The following GRM5 variants were observed in gnomAD, a reference collection of about 807,000 sequenced individuals.
GRM5 encodes glutamate metabotropic receptor 5, also known as metabotropic glutamate receptor 5.
GRM5 carries 19 observed loss-of-function variants against 83.1 expected under a neutral mutation model. That is an observed-to-expected ratio of 0.23 (90% CI 0.16 to 0.34). GRM5 has a LOEUF of 0.34. GRM5 is among the 10% of genes least tolerant of loss of function. The pLI, the probability that GRM5 is intolerant of heterozygous loss-of-function variation, is 1.00. For missense variants in GRM5, 1,160 were observed against 1,588.3 expected (o/e 0.73, Z 4.58); for synonymous variants, 675 against 633.6 (o/e 1.07, Z -0.98).
chr11:88,533,248 A>G (rs1200007056), intron 8 of GRM5, among the ~76,000 whole-genome samples: 4 of 152,122 alleles, frequency 2.6e-5, no homozygotes, highest in African/African-American at 9.7e-5. Context: ...CCTTGCTCAC[A>G]TTGCTTCATC....
chr11:88,820,392 A>AAAAAAAAAAAAAG (rs1170201961), intron 3 of GRM5, among the ~76,000 whole-genome samples: 3 of 149,136 alleles, frequency 2.0e-5, no homozygotes, highest in African/African-American at 7.7e-5. Context: ...AAAAAAAAAA[A>AAAAAAAAAAAAAG]AGCCAATATA....
intron 2 of GRM5, among the ~76,000 whole-genome samples, chr11:88,927,004 C>A (rs1432959594): frequency 1.3e-5 from 2 of 152,128 alleles, no homozygotes; most frequent in African/African-American, 4.8e-5. Context: ...CAGGAAAATG[C>A]TATGACCAAT....
At chr11:88,726,681 C>T (rs779623717) in intron 3 of GRM5, among the ~76,000 whole-genome samples, 6 of 152,222 alleles carry the variant, frequency 3.9e-5, no homozygotes, top group African/African-American at 7.2e-5. Context: ...ATCAGACTAA[C>T]AGTGGATCTC....
chr11:88,881,364 T>G (rs1944951121), intron 2 of GRM5, among the ~76,000 whole-genome samples: 2 of 150,202 alleles, frequency 1.3e-5, no homozygotes, highest in Admixed American at 6.6e-5. Context: ...TCAACTATGA[T>G]GATCAACAAG....
chr11:88,597,744 A>G (rs1384137485), intron 5 of GRM5, among the ~76,000 whole-genome samples: 1 of 152,120 alleles, frequency 6.6e-6, no homozygotes, highest in Non-Finnish European at 1.5e-5. Flanking sequence ...AATTTGGTAA[A>G]TCTTTCATCT....
chr11:89,004,092 TG>T (rs1473057159), intron 2 of GRM5, among the ~76,000 whole-genome samples: 1 of 152,170 alleles, frequency 6.6e-6, no homozygotes, highest in Non-Finnish European at 1.5e-5. Context: ...GAGTTCAGGG[TG>T]TTGAAGAGGT....
chr11:88,933,769 C>G lies in GRM5; in HGVS notation c.662-83614G>C, dbSNP rs1031218093. Among the ~76,000 whole-genome samples, 7 of 151,848 alleles carry G rather than the reference C, an allele frequency of 4.6e-5. No homozygotes were observed. In the East Asian group the frequency reaches 1.2e-3, roughly 25 times the overall value. On this transcript the variant is annotated intron_variant, in intron 2 of 9. Coordinates refer to ENST00000305447, the MANE Select transcript of GRM5 (RefSeq NM_001143831.3). ...GAATGTTACTTAATTCATTCATTTG[C>G]TTTCACATAGGCTACCTAAATCACT...
intron 3 of GRM5, among the ~76,000 whole-genome samples, chr11:88,817,503 A>AC (rs1943713347): frequency 6.6e-6 from 1 of 152,098 alleles, no homozygotes; most frequent in South Asian, 2.1e-4. Flanking sequence ...TTAATATTTA[A>AC]CCATACTTAA....
intron 2 of GRM5, among the ~76,000 whole-genome samples, chr11:88,944,786 C>A (rs545550027): frequency 1.3e-5 from 2 of 151,924 alleles, no homozygotes; most frequent in African/African-American, 4.8e-5. Context: ...TGGAAATATC[C>A]CCCTAGAGAA....
chr11:88,620,213 G>A (rs1400038120), intron 4 of GRM5, among the ~76,000 whole-genome samples: 1 of 152,168 alleles, frequency 6.6e-6, no homozygotes, highest in African/African-American at 2.4e-5. Context: ...CTCCCTGAAG[G>A]CTAACATTTG....
intron 2 of GRM5, among the ~76,000 whole-genome samples, chr11:88,990,911 G>C (rs1939942109): frequency 6.6e-6 from 1 of 152,138 alleles, no homozygotes; most frequent in Non-Finnish European, 1.5e-5. Context: ...ATATCGTACT[G>C]AATGGGCAAA....
intron 1 of GRM5, chr11:89,063,609 G>C (rs1432049173): frequency 6.6e-6 from 1 of 152,374 alleles, no homozygotes; most frequent in Non-Finnish European, 1.5e-5. Context: ...ATGATCTCAA[G>C]CTCATTCCCT....
chr11:88,732,591 T>C (rs1344645287), intron 3 of GRM5, among the ~76,000 whole-genome samples: 4 of 152,080 alleles, frequency 2.6e-5, no homozygotes, highest in Admixed American at 2.6e-4. Flanking sequence ...AAAAGGATTA[T>C]AAATTTAAGA....
At chr11:88,816,702 T>C (rs2135504196) in intron 3 of GRM5, among the ~76,000 whole-genome samples, 1 of 138,850 alleles carries the variant, frequency 7.2e-6, no homozygotes, top group East Asian at 2.1e-4. Context: ...GCTAGTTATT[T>C]GAGAAAAATC....
At chr11:88,889,850 C>T (rs1442431162) in intron 2 of GRM5, among the ~76,000 whole-genome samples, 2 of 152,006 alleles carry the variant, frequency 1.3e-5, no homozygotes, top group Non-Finnish European at 2.9e-5. Flanking sequence ...GGGAAAAAAG[C>T]AAACAAACAA....
intron 8 of GRM5, among the ~76,000 whole-genome samples, chr11:88,558,399 ATTG>A: frequency 6.6e-6 from 1 of 152,174 alleles, no homozygotes; most frequent in South Asian, 2.1e-4. Context: ...TTCCTCATTA[ATTG>A]TTATTATCCA....
intron 3 of GRM5, 48 bp downstream of exon 3, chr11:88,849,858 C>G: frequency 1.3e-6 from 2 of 1,585,128 alleles, no homozygotes; most frequent in Non-Finnish European, 1.7e-6. Flanking sequence ...TTCAGTGCTG[C>G]CAAATTCCTG....
At chr11:88,648,653 T>TAA (rs66739287) in intron 4 of GRM5, among the ~76,000 whole-genome samples, 1 of 148,444 alleles carries the variant, frequency 6.7e-6, no homozygotes, top group African/African-American at 2.5e-5. Flanking sequence ...TAAAGTATAA[T>TAA]AAAAAAAAAA....
chr11:88,965,402 C>T (rs1466539563), intron 2 of GRM5, among the ~76,000 whole-genome samples: 1 of 152,104 alleles, frequency 6.6e-6, no homozygotes, highest in Non-Finnish European at 1.5e-5. Flanking sequence ...AGGTCATGAA[C>T]TCCATGCTCA....
Sources: allele counts gnomAD v4.1 joint callset (sites outside exome capture counted in the v4.1 genomes callset), GRCh38; gene constraint gnomAD v4.1.1; transcripts MANE v1.5; gene names NCBI Gene and HGNC (gene_info 2026-07-23, HGNC 2026-07-21).